Variants in CYP4F22 observed in about 807,000 individuals in gnomAD.
The protein encoded by CYP4F22 is cytochrome P450 family 4 subfamily F member 22.
Under a neutral mutation model 60.4 loss-of-function variants are expected in CYP4F22, and 37 were observed. The observed-to-expected ratio is 0.61, with a 90% CI of 0.47 to 0.81. CYP4F22 has a LOEUF of 0.81. Ranked by LOEUF, CYP4F22 falls within the 30% of genes least tolerant of loss-of-function variation. CYP4F22 has a pLI of 0.00. For synonymous variants in CYP4F22, 258 were observed against 280.5 expected (o/e 0.92, Z 0.80); for missense variants, 655 against 715.0 (o/e 0.92, Z 0.96).
chr19:15,526,052 C>G (rs1466132315), intron 3 of CYP4F22, among the ~76,000 whole-genome samples: 1 of 151,698 alleles, frequency 6.6e-6, no homozygotes, highest in Non-Finnish European at 1.5e-5. Context: ...GTAATCCCAG[C>G]TACTTGGGAG....
intron 6 of CYP4F22, 74 bp downstream of exon 6, chr19:15,537,736 C>A (rs754310081): frequency 3.9e-5 from 63 of 1,606,758 alleles, no homozygotes; most frequent in Non-Finnish European, 5.0e-5. Flanking sequence ...CATGCATGGG[C>A]AAGCCATGTG....
intron 1 of CYP4F22, among the ~76,000 whole-genome samples, chr19:15,523,183 C>G (rs985407391): frequency 4.0e-5 from 6 of 151,590 alleles, no homozygotes; most frequent in Non-Finnish European, 2.9e-5. Context: ...GGTGAAACCC[C>G]GTCTCTATTA....
At chr19:15,514,675 GAAAGAAAGAAAGAA>G (rs1395904193) in intron 1 of CYP4F22, among the ~76,000 whole-genome samples, 3 of 151,816 alleles carry the variant, frequency 2.0e-5, no homozygotes, top group African/African-American at 7.2e-5. Context: ...TGTCTTGAAA[GAAAGAAAGAAAGAA>G]AAAGAAAGAA....
At chr19:15,547,858 C>CA (rs1270412162) in intron 10 of CYP4F22, among the ~76,000 whole-genome samples, 2 of 150,814 alleles carry the variant, frequency 1.3e-5, no homozygotes, top group Non-Finnish European at 3.0e-5. Context: ...AAAGAAAAAA[C>CA]AAAAAAACCA....
rs1166872517 is a variant in CYP4F22 at position 15,510,963 on chromosome 19, TA to T, written c.-109+2381del. ...GGGATACCATATATATATATATATA[TA>T]TATTTTTTTTTTTTTTTTTGAGATG... On this transcript the variant is annotated intron_variant, in intron 1 of 13. Transcript: ENST00000269703. Among the ~76,000 whole-genome samples the T allele has an allele frequency of 1.6e-3, 193 of 117,416 alleles. 1 individual carries two copies. In the South Asian group the frequency reaches 0.019, roughly 12 times the overall value. 77.0% of individuals were successfully genotyped at this position (117,416 alleles called of 152,430 possible). A position where few individuals can be genotyped will look rare whatever the true frequency, so the allele number is the denominator to read the frequency against.
chr19:15,519,264 T>TTTTTAGCAGACTGAGAATGGGAA (rs1971193055), intron 1 of CYP4F22, among the ~76,000 whole-genome samples: 1 of 146,706 alleles, frequency 6.8e-6, no homozygotes, highest in Non-Finnish European at 1.5e-5. Context: ...GAGAATGGGA[T>TTTTTAGCAGACTGAGAATGGGAA]TTTTTTTTTT....
intron 1 of CYP4F22, among the ~76,000 whole-genome samples, chr19:15,512,108 A>G (rs1225606158): frequency 6.6e-6 from 1 of 152,172 alleles, no homozygotes; most frequent in East Asian, 1.9e-4. Flanking sequence ...ATCATGGCTA[A>G]CATTTTGTGA....
At chr19:15,540,065 A>G (rs552400493) in intron 7 of CYP4F22, among the ~76,000 whole-genome samples, 2 of 152,300 alleles carry the variant, frequency 1.3e-5, no homozygotes, top group East Asian at 1.9e-4. Flanking sequence ...TGAGGAGTGT[A>G]ACCATTTAGT....
intron 3 of CYP4F22, among the ~76,000 whole-genome samples, chr19:15,528,241 C>T (rs1354478602): frequency 1.3e-5 from 2 of 152,080 alleles, no homozygotes; most frequent in Non-Finnish European, 2.9e-5. Flanking sequence ...TTGCTTGAGC[C>T]CGGGAGTTTG....
chr19:15,523,555 C>T (rs1971248783), intron 1 of CYP4F22, 138 bp from the exon 2 acceptor site: 1 of 152,154 alleles, frequency 6.6e-6, no homozygotes, highest in Admixed American at 6.6e-5. Flanking sequence ...GACACAGATC[C>T]AAACCATATC....
rs369162487 is a variant in CYP4F22, at chr19:15,544,325, G to C, written c.1136+46G>C. ...ATGGAGGGGGCAGGTTGAGGCCAGA[G>C]CCTTGGGTGTAAGCCTCTGCTCTCC... On this transcript the variant is annotated intron_variant, in intron 10 of 13. Transcript: ENST00000269703. The C allele has an allele frequency of 6.2e-5, 99 of 1,592,090 alleles. No homozygotes were observed. In the African/African-American group the frequency reaches 1.2e-3, roughly 20 times the overall value.
intron 1 of CYP4F22, among the ~76,000 whole-genome samples, chr19:15,511,728 C>A (rs567928338): frequency 2.0e-5 from 3 of 152,242 alleles, no homozygotes; most frequent in African/African-American, 7.2e-5. Flanking sequence ...CTGGCTGGTC[C>A]CAGCCCCTGC....
chr19:15,517,665 C>T (rs904575262), intron 1 of CYP4F22, among the ~76,000 whole-genome samples: 1 of 152,192 alleles, frequency 6.6e-6, no homozygotes, highest in African/African-American at 2.4e-5. Flanking sequence ...TGTGATTTCA[C>T]TCAGAAGTCT....
chr19:15,551,436 T>G lies in CYP4F22; in HGVS notation c.1561T>G (p.Trp521Gly). 6.3e-7 allele frequency: 1 copy of G among 1,579,482 alleles called. No individual in the cohort carries two copies. Among genetic ancestry groups the G allele is most frequent in the Non-Finnish European group, 8.6e-7 (1 of 1,163,328 alleles). ...CATACTGCGCACGGAGAACGGGCTC[T>G]GGCTCAAGGTGGAGCCGCTGCCTCC... The part of the protein sequence containing the change: ...ELILRTENGL[W>G]LKVEPLPPRA The change falls in exon 14 of 14, where the codon TGG becomes GGG. Residue 521 changes from tryptophan to glycine, a missense_variant. Trp to Gly is a radical substitution (Grantham distance 184). Transcript: ENST00000269703.
intron 1 of CYP4F22, 136 bp downstream of exon 1, chr19:15,508,719 C>CA (rs1166415842): frequency 6.6e-6 from 1 of 151,180 alleles, no homozygotes; most frequent in African/African-American, 2.5e-5. Flanking sequence ...CGCAGCCGGC[C>CA]ACGGGGACCC....
intron 1 of CYP4F22, among the ~76,000 whole-genome samples, chr19:15,521,590 C>T (rs1344747616): frequency 6.6e-6 from 1 of 152,170 alleles, no homozygotes; most frequent in Non-Finnish European, 1.5e-5. Context: ...GTGCAAATAT[C>T]TCTTCGAGAC....
chr19:15,543,858 GAAAAAAAA>G (rs573134093), intron 8 of CYP4F22, 105 bp from the exon 9 acceptor site: 3 of 847,520 alleles, frequency 3.5e-6, no homozygotes, highest in Admixed American at 2.7e-5. Flanking sequence ...CTCCATCTCA[GAAAAAAAA>G]AAAAAAAAAA....
At chr19:15,518,548 C>T (rs1971181970) in intron 1 of CYP4F22, among the ~76,000 whole-genome samples, 1 of 146,462 alleles carries the variant, frequency 6.8e-6, no homozygotes, top group Non-Finnish European at 1.5e-5. Context: ...ACTCAGGAGG[C>T]TGAGGCAGGA....
chr19:15,521,678 A>T (rs1971227155), intron 1 of CYP4F22, among the ~76,000 whole-genome samples: 1 of 150,280 alleles, frequency 6.7e-6, no homozygotes, highest in Non-Finnish European at 1.5e-5. Context: ...TTTAATTTTA[A>T]TTTTTTTTAA....
Sources: gnomAD v4.1 joint callset for allele counts (sites outside exome capture counted in the v4.1 genomes callset) on GRCh38, gnomAD v4.1.1 for gene constraint, MANE v1.5 for transcripts, NCBI Gene and HGNC (gene_info 2026-07-23, HGNC 2026-07-21) for gene names.